The following ZNF613 variants were observed in gnomAD, a reference collection of about 807,000 sequenced individuals.
The protein encoded by ZNF613 is zinc finger protein 613.
A neutral mutation model predicts 14.3 loss-of-function variants in ZNF613; 8 were observed. That is an observed-to-expected ratio of 0.56 (90% CI 0.33 to 1.01). The LOEUF is 1.01. ZNF613 is among the 50% of genes least tolerant of loss of function. ZNF613 has a pLI of 0.03. For synonymous variants in ZNF613, 228 were observed against 254.5 expected (o/e 0.90, Z 0.99); for missense variants, 656 against 741.9 (o/e 0.88, Z 1.35).
In ZNF613 at chr19:51,945,979, G is replaced by A; in HGVS notation, c.*242G>A. ...TCACATCTTCAGTGAGCTTATAGTT[G>A]GTAGAAATATAATGATCATGGAAAA... On this transcript the variant is annotated 3_prime_UTR_variant, in exon 6 of 6. Coordinates refer to ENST00000293471, the MANE Select transcript of ZNF613 (RefSeq NM_001031721.4). The A allele has an allele frequency of 2.0e-6, 1 of 499,326 alleles. No individual in the cohort carries two copies. Among genetic ancestry groups the A allele is most frequent in the South Asian group, 2.3e-5 (1 of 43,884 alleles). The allele number at this position is 499,326 out of a possible 1,614,324, so 30.9% of individuals were successfully genotyped here. A position where few individuals can be genotyped will look rare whatever the true frequency, so the allele number is the denominator to read the frequency against.
Position 51,944,687 on chromosome 19 carries a change from A to G in ZNF613, c.804A>G (p.Ala268=), listed in dbSNP as rs151222196. 106 of 1,613,936 alleles carry G rather than the reference A, an allele frequency of 6.6e-5. 1 individual carries two copies. The highest frequency in any genetic ancestry group is 8.7e-5 in the Non-Finnish European group (103 of 1,179,992). Residue 268 remains alanine, a synonymous_variant, in exon 6 of 6, where the codon GCA becomes GCG. Coordinates refer to ENST00000293471, the MANE Select transcript of ZNF613 (RefSeq NM_001031721.4). ...KPYECTECDK[A]FRWKSQLNAH... ...ATGAATGCACTGAATGTGACAAAGC[A>G]TTCCGCTGGAAATCACAGCTCAATG...
rs1325530297 is a variant in ZNF613 at position 51,929,836 on chromosome 19, T to G, written c.-254T>G. 1 of 152,126 alleles carries G rather than the reference T, an allele frequency of 6.6e-6. No individual in the cohort carries two copies. The highest frequency in any genetic ancestry group is 1.5e-5 in the Non-Finnish European group (1 of 68,022). The allele number at this position is 152,126 out of a possible 1,614,324, so 9.4% of individuals were successfully genotyped here. On this transcript the variant is annotated 5_prime_UTR_variant, in exon 2 of 6. Coordinates refer to ENST00000293471, the MANE Select transcript of ZNF613 (RefSeq NM_001031721.4). ...TGCTGGGATTCCAGGTGTGAGCCAC[T>G]TCACCCAGCCACATTTATCCATCTT... is the stretch of plus-strand genomic sequence containing the variant.
In ZNF613 at chr19:51,945,130, T is replaced by C. The variant is rs1476616770; in HGVS notation, c.1247T>C (p.Leu416Pro). 9 of 1,614,026 alleles carry C rather than the reference T, an allele frequency of 5.6e-6. No homozygotes were observed. Among genetic ancestry groups the C allele is most frequent in the Non-Finnish European group, 6.8e-6 (8 of 1,180,018 alleles). The change falls in exon 6 of 6, where the codon CTT becomes CCT. Residue 416 changes from leucine (L) to proline (P), a missense_variant. Leu to Pro is a moderately conservative substitution (Grantham distance 98, BLOSUM62 -3). Transcript: ENST00000293471. ...GGCTTCATCCAAAAGGGCAACCTCC[T>C]TATTCATCGACGTACTCACACTGGA... ...GKGFIQKGNL[L>P]IHRRTHTGEK...
chr19:51,945,753 A>C lies in ZNF613; in HGVS notation c.*16A>C. ...CACAGAATAAAAACCATATGAATGCAGTGAATGTGGTAGTGCTTTCAGTGA... is the reference window on the plus strand; with the variant it reads ...CACAGAATAAAAACCATATGAATGCCGTGAATGTGGTAGTGCTTTCAGTGA... On this transcript the variant is annotated 3_prime_UTR_variant, in exon 6 of 6. Transcript: ENST00000293471. The C allele has an allele frequency of 1.2e-6, 2 of 1,613,126 alleles. No individual in the cohort carries two copies. The highest frequency in any genetic ancestry group is 1.7e-6 in the Non-Finnish European group (2 of 1,179,338).
At chr19:51,931,407 A>G (rs1297878562) in intron 2 of ZNF613, among the ~76,000 whole-genome samples, 3 of 152,210 alleles carry the variant, frequency 2.0e-5, no homozygotes, top group Admixed American at 6.5e-5. Flanking sequence ...GTTCAATTGA[A>G]TCTATAAAAC....
chr19:51,932,302 CTTTTTTTTTTTT>C (rs34474633), intron 2 of ZNF613, among the ~76,000 whole-genome samples: 5 of 90,946 alleles, frequency 5.5e-5, no homozygotes, highest in Non-Finnish European at 1.0e-4. Context: ...CTCCCAACAT[CTTTTTTTTTTTT>C]TTTTTTTTTT....
intron 2 of ZNF613, among the ~76,000 whole-genome samples, chr19:51,932,533 G>A (rs1206405719): frequency 6.6e-6 from 1 of 151,664 alleles, no homozygotes; most frequent in Non-Finnish European, 1.5e-5. Flanking sequence ...CCGATCTCAG[G>A]TGATCTGCCC....
chr19:51,932,887 G>A (rs987743967), intron 2 of ZNF613, among the ~76,000 whole-genome samples: 1 of 151,916 alleles, frequency 6.6e-6, no homozygotes, highest in African/African-American at 2.4e-5. Flanking sequence ...TGTTGCCCTG[G>A]CTGGTCAAGA....
intron 1 of ZNF613, among the ~76,000 whole-genome samples, chr19:51,929,479 A>G (rs1388872928): frequency 6.6e-6 from 1 of 151,978 alleles, no homozygotes; most frequent in Non-Finnish European, 1.5e-5. Context: ...CTTCTAATTT[A>G]CTCTTACATA....
intron 5 of ZNF613, among the ~76,000 whole-genome samples, chr19:51,943,873 G>A (rs561441396): frequency 9.0e-4 from 137 of 152,288 alleles, no homozygotes; most frequent in African/African-American, 2.9e-3. Context: ...GCATGAGTCC[G>A]AGCAGGAATT....
rs2085382426 is a variant in ZNF613 at position 51,944,874 on chromosome 19, C to A, written c.991C>A (p.Leu331Ile). Reference sequence around the variant, plus strand: ...GAAGGCCTTCTCCAAAAGGTCCAGGCTCACTGAACACCAGAGAACTCATAC... The same window carrying A: ...GAAGGCCTTCTCCAAAAGGTCCAGGATCACTGAACACCAGAGAACTCATAC... The part of the protein sequence containing the change: ...CGKAFSKRSR[L>I]TEHQRTHTGE... Residue 331 changes from leucine to isoleucine, a missense_variant, in exon 6 of 6, where the codon CTC becomes ATC. By Grantham distance (5) the Leu-to-Ile change is conservative (BLOSUM62 2). Coordinates refer to ENST00000293471, the MANE Select transcript of ZNF613 (RefSeq NM_001031721.4). 2 of 1,613,556 alleles carry A rather than the reference C, an allele frequency of 1.2e-6. No homozygotes were observed. The highest frequency in any genetic ancestry group is 2.7e-5 in the African/African-American group (2 of 74,702).
intron 1 of ZNF613, among the ~76,000 whole-genome samples, chr19:51,928,496 CTCACATCTCTCCTT>C (rs1363768312): frequency 6.6e-6 from 1 of 152,166 alleles, no homozygotes; most frequent in African/African-American, 2.4e-5. Context: ...CATTTGACTT[CTCACATCTCTCCTT>C]TCTCTCATCC....
At position 51,940,602 on chromosome 19, in the gene ZNF613, A is replaced by G; in HGVS notation, c.143-15A>G. ...ATTCAATGAGCCTAAGTTGTGTATC[A>G]TTTCCTATGAACAGGGTATCAAGCC... On this transcript the variant is annotated splice_polypyrimidine_tract_variant and intron_variant, in intron 4 of 5. Transcript: ENST00000293471. 1 of 1,607,386 alleles carries G rather than the reference A, an allele frequency of 6.2e-7. No homozygotes were observed. The highest frequency in any genetic ancestry group is 2.2e-5 in the East Asian group (1 of 44,842).
At chr19:51,941,351 A>G (rs2085348989) in intron 5 of ZNF613, among the ~76,000 whole-genome samples, 1 of 152,080 alleles carries the variant, frequency 6.6e-6, no homozygotes, top group Admixed American at 6.6e-5. Flanking sequence ...TGTTCCTTCT[A>G]CTTCTCTTGC....
rs2085388787 is a variant in ZNF613, at chr19:51,945,248, C to T, written c.1365C>T (p.Pro455=). The change falls in exon 6 of 6, where the codon CCC becomes CCT. Residue 455 remains proline, a synonymous_variant. Transcript: ENST00000293471. ...SHQRFHTGKT[P]FVCTECGKSC... ...AGAGATTTCACACAGGAAAGACACC[C>T]TTTGTATGTACTGAGTGTGGAAAAT... 1 of 1,614,030 alleles carries T rather than the reference C, an allele frequency of 6.2e-7. No homozygotes were observed. Among genetic ancestry groups the T allele is most frequent in the Non-Finnish European group, 8.5e-7 (1 of 1,179,998 alleles).
chr19:51,938,079 A>G (rs559693121), intron 3 of ZNF613, among the ~76,000 whole-genome samples: 2 of 152,150 alleles, frequency 1.3e-5, no homozygotes, highest in African/African-American at 4.8e-5. Flanking sequence ...GCCAAAGCAC[A>G]GGTCCTCAGA....
In ZNF613 at chr19:51,945,191, C is replaced by T. The variant is rs2085387991; in HGVS notation, c.1308C>T (p.Gly436=). ...KPYVCNECGK[G]FSQKTCLISH... ...ATGTATGCAATGAATGTGGGAAAGGCTTCAGCCAGAAGACATGTTTAATAT... is the reference window on the plus strand; with the variant it reads ...ATGTATGCAATGAATGTGGGAAAGGTTTCAGCCAGAAGACATGTTTAATAT... The change falls in exon 6 of 6, where the codon GGC becomes GGT. Residue 436 remains glycine (G), a synonymous_variant. Coordinates refer to ENST00000293471, the MANE Select transcript of ZNF613 (RefSeq NM_001031721.4). 1 of 1,614,028 alleles carries T rather than the reference C, an allele frequency of 6.2e-7. No homozygotes were observed. Among genetic ancestry groups the T allele is most frequent in the Admixed American group, 1.7e-5 (1 of 59,984 alleles).
intron 1 of ZNF613, among the ~76,000 whole-genome samples, chr19:51,928,865 A>G (rs979128234): frequency 7.2e-5 from 11 of 152,012 alleles, no homozygotes; most frequent in East Asian, 3.9e-4. Flanking sequence ...AAAAAAAAAA[A>G]AAAAGAAAAG....
Position 51,940,618 on chromosome 19 carries a change from G to T in ZNF613, c.144G>T (p.Gly48=), listed in dbSNP as rs1457548964. The T allele has an allele frequency of 6.2e-7, 1 of 1,611,534 alleles. No individual in the cohort carries two copies. Among genetic ancestry groups the T allele is most frequent in the Non-Finnish European group, 8.5e-7 (1 of 1,178,666 alleles). Residue 48 remains glycine (G), a splice_region_variant and synonymous_variant, in exon 5 of 6, where the codon GGG becomes GGT. Transcript: ENST00000293471. The stretch of plus-strand genomic sequence containing the variant: ...TTGTGTATCATTTCCTATGAACAGG[G>T]TATCAAGCCAGCAAACCAGATGCAC... The part of the protein sequence containing the change: ...LENYSNLVSV[G]YQASKPDALF...
Sources: gnomAD v4.1 joint callset for allele counts (sites outside exome capture counted in the v4.1 genomes callset) on GRCh38, gnomAD v4.1.1 for gene constraint, MANE v1.5 for transcripts, NCBI Gene and HGNC (gene_info 2026-07-23, HGNC 2026-07-21) for gene names.